Variants in EXOC5 observed in about 807,000 individuals in gnomAD.
EXOC5 encodes SEC10-like 1.
Under a neutral mutation model 90.8 loss-of-function variants are expected in EXOC5, and 17 were observed. That is an observed-to-expected ratio of 0.19 (90% CI 0.13 to 0.28). The LOEUF (loss-of-function observed/expected upper bound fraction) is 0.28. EXOC5 is among the 10% of genes least tolerant of loss of function. The pLI is 1.00. For synonymous variants in EXOC5, 260 were observed against 270.0 expected, an observed-to-expected ratio of 0.96 and a Z score of 0.36; for missense variants, 569 against 830.6, an observed-to-expected ratio of 0.69 and a Z score of 3.87.
chr14:57,245,940 C>T (rs1355940855), intron 3 of EXOC5, among the ~76,000 whole-genome samples: 1 of 151,984 alleles, frequency 6.6e-6, no homozygotes, highest in African/African-American at 2.4e-5. Context: ...ATCCTACCTA[C>T]TCGGGAGGCT....
At chr14:57,241,050 C>T (rs1021711803) in intron 4 of EXOC5, among the ~76,000 whole-genome samples, 2 of 152,044 alleles carry the variant, frequency 1.3e-5, no homozygotes, top group East Asian at 1.9e-4. Context: ...GACGGGGTTT[C>T]GCCATGTTAG....
intron 1 of EXOC5, among the ~76,000 whole-genome samples, chr14:57,256,493 T>C (rs1037371644): frequency 2.6e-5 from 4 of 152,002 alleles, no homozygotes; most frequent in Non-Finnish European, 4.4e-5. Context: ...TCACTAGCCT[T>C]CTTCTTCTAA....
At chr14:57,209,338 C>G (rs1882756619) in intron 17 of EXOC5, among the ~76,000 whole-genome samples, 1 of 150,586 alleles carries the variant, frequency 6.6e-6, no homozygotes, top group Non-Finnish European at 1.5e-5. Flanking sequence ...CCAGCCTGGG[C>G]AACATCATGA....
chr14:57,268,429 G>C (rs1259995445), intron 1 of EXOC5, 193 bp downstream of exon 1: 11 of 1,439,772 alleles, frequency 7.6e-6, no homozygotes, highest in South Asian at 1.4e-5. Context: ...AGCCCACCTC[G>C]GCCCCAAGCA....
At position 57,236,546 on chromosome 14, in the gene EXOC5, A is replaced by G. The variant is rs147469631; in HGVS notation, c.560-726T>C. Among the ~76,000 whole-genome samples, 1,154 of 152,130 alleles carry G rather than the reference A, an allele frequency of 7.6e-3. 17 individuals are homozygous for G. Among genetic ancestry groups the G allele is most frequent in the African/African-American group, 0.026 (1,093 of 41,478 alleles). ...GGTGATCCACCCGCCTCGGCCTCCC[A>G]AAGTGCTGGGATTACAGGTGCGAAC... On this transcript the variant is annotated intron_variant, in intron 6 of 17. Coordinates refer to ENST00000621441, the MANE Select transcript of EXOC5 (RefSeq NM_006544.4).
At chr14:57,264,166 T>C (rs776253038) in intron 1 of EXOC5, among the ~76,000 whole-genome samples, 5 of 152,224 alleles carry the variant, frequency 3.3e-5, no homozygotes, top group Non-Finnish European at 7.3e-5. Flanking sequence ...ATCATATCCA[T>C]GTTACTACAA....
chr14:57,209,097 C>T (rs776709080), intron 17 of EXOC5, among the ~76,000 whole-genome samples: 2 of 152,036 alleles, frequency 1.3e-5, no homozygotes, highest in Non-Finnish European at 2.9e-5. Flanking sequence ...TTAAATGTTA[C>T]AGAAATATTC....
intron 1 of EXOC5, among the ~76,000 whole-genome samples, chr14:57,256,506 T>C (rs898391000): frequency 6.6e-6 from 1 of 152,080 alleles, no homozygotes; most frequent in African/African-American, 2.4e-5. Flanking sequence ...TCTTCTAATT[T>C]TCCTCCAGGA....
chr14:57,261,606 G>A (rs777631962), intron 1 of EXOC5, among the ~76,000 whole-genome samples: 4 of 152,210 alleles, frequency 2.6e-5, no homozygotes, highest in Non-Finnish European at 4.4e-5. Flanking sequence ...CACTCAAATA[G>A]TTAGTGGCCT....
intron 1 of EXOC5, 121 bp from the exon 2 acceptor site, chr14:57,247,833 A>G (rs1311241483): frequency 6.4e-6 from 3 of 471,266 alleles, no homozygotes; most frequent in Non-Finnish European, 1.1e-5. Flanking sequence ...TTGTTTAAAT[A>G]CATCTATATT....
At chr14:57,218,970 G>C (rs1416980531) in intron 14 of EXOC5, among the ~76,000 whole-genome samples, 2 of 151,928 alleles carry the variant, frequency 1.3e-5, no homozygotes, top group Admixed American at 6.6e-5. Flanking sequence ...TAACAAGTGG[G>C]TACATGGACT....
intron 13 of EXOC5, among the ~76,000 whole-genome samples, chr14:57,221,284 T>C (rs1329701550): frequency 6.6e-6 from 1 of 152,122 alleles, no homozygotes; most frequent in Admixed American, 6.6e-5. Context: ...GACTGAGCAG[T>C]GAGAAGAAAT....
intron 1 of EXOC5, among the ~76,000 whole-genome samples, chr14:57,256,744 T>A (rs1265332572): frequency 6.6e-6 from 1 of 152,184 alleles, no homozygotes; most frequent in Non-Finnish European, 1.5e-5. Context: ...CCCAATGTCA[T>A]GTCTTTCCCA....
chr14:57,234,510 C>CGTGTGTGTGT lies in EXOC5; in HGVS notation c.670-488_670-479dup, dbSNP rs375548706. Among the ~76,000 whole-genome samples the CGTGTGTGTGT allele has an allele frequency of 5.7e-3, 744 of 130,570 alleles. 4 individuals carry two copies. The highest frequency in any genetic ancestry group is 0.017 in the Middle Eastern group (4 of 234). 85.7% of individuals were successfully genotyped at this position (130,570 alleles called of 152,430 possible). ...ATATATATTAAAGTGTGTATATATA[C>CGTGTGTGTGT]GTGTGTGTGTGTGTGTGTGTGTGTG... On this transcript the variant is annotated intron_variant, in intron 7 of 17. Transcript: ENST00000621441.
In EXOC5 at chr14:57,229,754, C is replaced by T; in HGVS notation, c.1276G>A (p.Ala426Thr). ...CTTACCCTATGACATCTTTCAAAGG[C>T]TTGTTTGGTTTCTTGTAAAAGATTA... Reference protein sequence around the residue: ...VVNLLQETKQAFERCHRLSDP... With the variant: ...VVNLLQETKQTFERCHRLSDP... The change falls in exon 12 of 18, where the codon GCC (alanine) becomes ACC (threonine). Residue 426 changes from alanine (A) to threonine (T), a missense_variant. Physicochemically the swap from Ala to Thr is moderately conservative, Grantham distance 58. This residue lies in a region of EXOC5 where 69 missense variants were observed against 115.5 expected (regional missense o/e 0.60). Transcript: ENST00000621441. The T allele has an allele frequency of 6.6e-7, 1 of 1,524,830 alleles. No homozygotes were observed. The highest frequency in any genetic ancestry group is 8.9e-7 in the Non-Finnish European group (1 of 1,129,334). The allele number at this position is 1,524,830 out of a possible 1,614,324, so 94.5% of individuals were successfully genotyped here.
chr14:57,219,286 C>T (rs1883058027), intron 14 of EXOC5, 36 bp downstream of exon 14: 1 of 1,319,314 alleles, frequency 7.6e-7, no homozygotes, highest in East Asian at 2.7e-5. Context: ...ATAATAGTCA[C>T]TGAAATATCA....
Position 57,267,614 on chromosome 14 carries a change from C to T in EXOC5, c.27+1008G>A, listed in dbSNP as rs540517365. Among the ~76,000 whole-genome samples, 17 of 152,262 alleles carry T rather than the reference C, an allele frequency of 1.1e-4. No individual in the cohort carries two copies. In the East Asian group the frequency reaches 2.9e-3, roughly 26 times the overall value. On this transcript the variant is annotated intron_variant, in intron 1 of 17. Coordinates refer to ENST00000621441, the MANE Select transcript of EXOC5 (RefSeq NM_006544.4). Reference sequence around the variant, plus strand: ...ACACACAAAAAAGGGGTCTTTCTTTCCTTTTTCTTATCCGTTTTCATTTCT... The same window carrying T: ...ACACACAAAAAAGGGGTCTTTCTTTTCTTTTTCTTATCCGTTTTCATTTCT...
chr14:57,218,259 C>T (rs1360596064), intron 14 of EXOC5, among the ~76,000 whole-genome samples, 191 bp from the exon 15 acceptor site: 2 of 151,994 alleles, frequency 1.3e-5, no homozygotes, highest in Non-Finnish European at 2.9e-5. Flanking sequence ...ATGCCCAATT[C>T]ATTATAATAG....
At chr14:57,231,010 C>CT (rs758234288) in intron 11 of EXOC5, among the ~76,000 whole-genome samples, 2,628 of 137,986 alleles carry the variant, frequency 0.019, 41 homozygotes, top group African/African-American at 0.031. Context: ...ATCTACTTTA[C>CT]TTTTTTTTTT....
Sources: gnomAD v4.1 joint callset for allele counts (sites outside exome capture counted in the v4.1 genomes callset) on GRCh38, gnomAD v4.1.1 for gene constraint, gnomAD v4.1.1 regional missense constraint, MANE v1.5 for transcripts, NCBI Gene and HGNC (gene_info 2026-07-23, HGNC 2026-07-21) for gene names.